RBFOX1: variants seen among roughly 807,000 people sequenced by gnomAD.
RBFOX1 encodes RNA binding fox-1 homolog 1, also known as RNA binding protein fox-1 homolog 1.
A neutral mutation model predicts 57.7 loss-of-function variants in RBFOX1; 8 were observed. That is an observed-to-expected ratio of 0.14 (90% CI 0.08 to 0.25). The LOEUF (loss-of-function observed/expected upper bound fraction) is 0.25. Ranked by LOEUF, RBFOX1 falls within the 10% of genes least tolerant of loss-of-function variation. The probability of loss-of-function intolerance (pLI) is 1.00; values close to 1 mark genes in which losing one functional copy is unlikely to be tolerated. For synonymous variants in RBFOX1, 326 were observed against 222.4 expected (o/e 1.47, Z -4.15); for missense variants, 611 against 548.5 (o/e 1.11, Z -1.14).
At chr16:6,306,864 T>C (rs1209789910) in intron 1 of RBFOX1, among the ~76,000 whole-genome samples, 1 of 152,056 alleles carries the variant, frequency 6.6e-6, no homozygotes, top group African/African-American at 2.4e-5. Flanking sequence ...AACTCCCCCA[T>C]TTAAGTGGTG....
At chr16:6,710,659 G>A (rs1341155320) in intron 3 of RBFOX1, among the ~76,000 whole-genome samples, 1 of 152,234 alleles carries the variant, frequency 6.6e-6, no homozygotes, top group African/African-American at 2.4e-5. Context: ...AAGTATGGCT[G>A]AATCCAGAAA....
At chr16:6,577,805 C>G (rs1379648252) in intron 2 of RBFOX1, among the ~76,000 whole-genome samples, 2 of 152,160 alleles carry the variant, frequency 1.3e-5, no homozygotes, top group African/African-American at 4.8e-5. Context: ...TCCTGTATCC[C>G]TACTATGTGC....
intron 4 of RBFOX1, among the ~76,000 whole-genome samples, chr16:7,481,986 G>A (rs903730692): frequency 1.8e-4 from 28 of 152,320 alleles, no homozygotes; most frequent in Admixed American, 1.8e-3. Flanking sequence ...GGTTTCTCCT[G>A]AATGATTTCA....
intron 3 of RBFOX1, chr16:7,003,877 T>G (rs949054285): frequency 1.3e-5 from 2 of 152,206 alleles, no homozygotes; most frequent in East Asian, 3.8e-4. Context: ...ATTGGTTATT[T>G]GGTAAATTGG....
intron 3 of RBFOX1, among the ~76,000 whole-genome samples, chr16:5,820,607 G>GA (rs1028589591): frequency 5.1e-4 from 77 of 152,268 alleles, no homozygotes; most frequent in African/African-American, 1.8e-3. Flanking sequence ...GAGGGCACCT[G>GA]AAAATGAGCT....
At chr16:7,709,177 C>G (rs2083451457) in intron 15 of RBFOX1, 46 bp downstream of exon 15, 2 of 1,530,450 alleles carry the variant, frequency 1.3e-6, no homozygotes, top group African/African-American at 2.7e-5. Context: ...TGCCTCCCTT[C>G]CCTTTCCCCA....
chr16:5,972,619 A>AG (rs1321360298), intron 4 of RBFOX1, among the ~76,000 whole-genome samples: 1 of 152,232 alleles, frequency 6.6e-6, no homozygotes, highest in African/African-American at 2.4e-5. Context: ...GCGGGCAATC[A>AG]GGGAAGGTTC....
intron 4 of RBFOX1, among the ~76,000 whole-genome samples, chr16:7,095,235 C>G (rs893731848): frequency 5.3e-5 from 8 of 152,158 alleles, no homozygotes; most frequent in African/African-American, 1.7e-4. Context: ...CTCCCAGGTT[C>G]AAACGATTCT....
rs541965757 is a variant in RBFOX1 at position 6,671,877 on chromosome 16, A to G, written c.-16+17227A>G. Among the ~76,000 whole-genome samples the G allele has an allele frequency of 6.6e-4, 101 of 152,324 alleles. 1 individual carries two copies. The highest frequency in any genetic ancestry group is 2.0e-3 in the African/African-American group (83 of 41,574). ...AGAGTTCATGAAATTTTTGTGTGCCATTTTACATTCACACTGCCTTTTCAC... is the reference window on the plus strand; with the variant it reads ...AGAGTTCATGAAATTTTTGTGTGCCGTTTTACATTCACACTGCCTTTTCAC... On this transcript the variant is annotated intron_variant, in intron 3 of 15. Transcript: ENST00000550418.
At chr16:7,665,297 C>T (rs73492760) in intron 13 of RBFOX1, among the ~76,000 whole-genome samples, 57 of 152,256 alleles carry the variant, frequency 3.7e-4, no homozygotes, top group African/African-American at 1.3e-3. Context: ...ATATGTTCTT[C>T]GTTTTCAGTA....
At chr16:7,508,221 G>T (rs771291598) in intron 4 of RBFOX1, among the ~76,000 whole-genome samples, 1 of 151,842 alleles carries the variant, frequency 6.6e-6, no homozygotes, top group African/African-American at 2.4e-5. Flanking sequence ...CAAGCGATCC[G>T]CACGCCTCGG....
At chr16:7,296,650 G>C (rs1037368087) in intron 4 of RBFOX1, among the ~76,000 whole-genome samples, 1 of 152,158 alleles carries the variant, frequency 6.6e-6, no homozygotes, top group African/African-American at 2.4e-5. Flanking sequence ...TGCATGATGG[G>C]CATATGGCTG....
chr16:6,037,232 T>G (rs2152404488), intron 1 of RBFOX1: 1 of 152,302 alleles, frequency 6.6e-6, no homozygotes, highest in East Asian at 1.9e-4. Flanking sequence ...ACCACAACAG[T>G]AATGTTTTCT....
intron 4 of RBFOX1, among the ~76,000 whole-genome samples, chr16:7,079,086 G>T (rs140714928): frequency 6.6e-6 from 1 of 151,754 alleles, no homozygotes; most frequent in African/African-American, 2.4e-5. Context: ...CTTTATTTAC[G>T]TGTATCTATC....
At chr16:7,101,575 C>G (rs187295427) in intron 4 of RBFOX1, among the ~76,000 whole-genome samples, 4 of 152,192 alleles carry the variant, frequency 2.6e-5, no homozygotes, top group Admixed American at 2.6e-4. Flanking sequence ...AACAGTGGTG[C>G]TTTTGGAAAA....
At chr16:6,342,289 A>G (rs553472662) in intron 2 of RBFOX1, among the ~76,000 whole-genome samples, 2 of 152,322 alleles carry the variant, frequency 1.3e-5, no homozygotes, top group South Asian at 4.1e-4. Flanking sequence ...TGGCACCACG[A>G]AGATGGACAT....
At chr16:6,299,888 T>G (rs1312724947) in intron 1 of RBFOX1, among the ~76,000 whole-genome samples, 2 of 152,262 alleles carry the variant, frequency 1.3e-5, no homozygotes, top group East Asian at 3.9e-4. Flanking sequence ...GCCCACACCC[T>G]CGTTTTAACA....
intron 2 of RBFOX1, among the ~76,000 whole-genome samples, chr16:6,403,866 G>C (rs1458701637): frequency 3.9e-5 from 6 of 152,066 alleles, no homozygotes; most frequent in Non-Finnish European, 8.8e-5. Context: ...GGTCCAATGA[G>C]ATTATAAGGG....
At position 6,941,639 on chromosome 16, in the gene RBFOX1, A is replaced by G. The variant is rs969730315; in HGVS notation, c.-15-110418A>G. Among the ~76,000 whole-genome samples, 17 of 152,062 alleles carry G rather than the reference A, an allele frequency of 1.1e-4. No individual in the cohort carries two copies. The South Asian group carries it at 2.1e-3, about 19-fold the overall frequency. ...CTGCCCTTCATACCTGTTGAATATT[A>G]TAAGAATGGGTTTATCTATAAAGCA... On this transcript the variant is annotated intron_variant, in intron 3 of 15. Transcript: ENST00000550418.
Sources: gnomAD v4.1 joint callset for allele counts (sites outside exome capture counted in the v4.1 genomes callset) on GRCh38, gnomAD v4.1.1 for gene constraint, MANE v1.5 for transcripts, NCBI Gene and HGNC (gene_info 2026-07-23, HGNC 2026-07-21) for gene names.